The following DCC variants were observed in gnomAD, a reference collection of about 807,000 sequenced individuals.
DCC encodes netrin receptor DCC.
A neutral mutation model predicts 172.5 loss-of-function variants in DCC; 58 were observed. That is an observed-to-expected ratio of 0.34 (90% CI 0.27 to 0.42). DCC has a LOEUF of 0.42. Ranked by LOEUF, DCC falls within the 10% of genes least tolerant of loss-of-function variation. The probability of loss-of-function intolerance (pLI) is 1.00; values close to 1 mark genes in which losing one functional copy is unlikely to be tolerated. For synonymous variants in DCC, 709 were observed against 644.5 expected (o/e 1.10, Z -1.52); for missense variants, 1,740 against 1,791.0 (o/e 0.97, Z 0.51).
At chr18:52,349,187 C>A (rs1984009428) in intron 1 of DCC, among the ~76,000 whole-genome samples, 1 of 152,134 alleles carries the variant, frequency 6.6e-6, no homozygotes, top group Non-Finnish European at 1.5e-5. Context: ...ACCATCCCCC[C>A]CAATTTTTGT....
rs1300989000 is a variant in DCC at position 53,112,573 on chromosome 18, G to A, written c.1262-44783G>A. 2.0e-5 allele frequency among the ~76,000 whole-genome samples: 3 copies of A among 151,412 alleles called. No individual in the cohort carries two copies. In the Admixed American group the frequency reaches 2.0e-4, roughly 10 times the overall value. The stretch of plus-strand genomic sequence containing the variant: ...ATTATGGGTGTATGAATAATGTAAT[G>A]GATTTATGAGAGTAATCCATAAGCT... On this transcript the variant is annotated intron_variant, in intron 7 of 28. Transcript: ENST00000442544.
chr18:52,846,124 C>G (rs2038884803), intron 2 of DCC, among the ~76,000 whole-genome samples: 2 of 152,150 alleles, frequency 1.3e-5, no homozygotes. Context: ...TTAATACATT[C>G]CTCTACACTA....
At chr18:52,356,203 A>C (rs1984356575) in intron 1 of DCC, among the ~76,000 whole-genome samples, 1 of 152,186 alleles carries the variant, frequency 6.6e-6, no homozygotes. Context: ...AGTTTTAAGG[A>C]GGTCTCAGAA....
At chr18:53,262,262 T>C (rs2056615454) in intron 12 of DCC, among the ~76,000 whole-genome samples, 1 of 152,198 alleles carries the variant, frequency 6.6e-6, no homozygotes, top group African/African-American at 2.4e-5. Flanking sequence ...GAATGTATTA[T>C]ACCCATTTTT....
chr18:53,077,053 A>C (rs1468563146), intron 7 of DCC, among the ~76,000 whole-genome samples: 2 of 151,912 alleles, frequency 1.3e-5, no homozygotes, highest in African/African-American at 4.8e-5. Context: ...TCCATAAATT[A>C]TACAATCTGG....
chr18:52,826,919 T>G (rs999795598), intron 2 of DCC, among the ~76,000 whole-genome samples: 11 of 152,250 alleles, frequency 7.2e-5, no homozygotes, highest in Non-Finnish European at 1.6e-4. Context: ...CTTGCCAAGA[T>G]TACCTAAACA....
chr18:52,361,838 G>T (rs1984631716), intron 1 of DCC, among the ~76,000 whole-genome samples: 2 of 152,214 alleles, frequency 1.3e-5, no homozygotes, highest in African/African-American at 4.8e-5. Flanking sequence ...TAGCAATGGT[G>T]TGCAGGGAAG....
intron 7 of DCC, among the ~76,000 whole-genome samples, chr18:53,117,524 T>C (rs2043425243): frequency 6.6e-6 from 1 of 151,772 alleles, no homozygotes; most frequent in Non-Finnish European, 1.5e-5. Context: ...GAATTTGTAT[T>C]GCTGTTTCAA....
intron 2 of DCC, among the ~76,000 whole-genome samples, chr18:52,775,616 T>C (rs901506887): frequency 3.9e-5 from 6 of 152,176 alleles, no homozygotes; most frequent in Admixed American, 1.3e-4. Context: ...AAACTCTGCC[T>C]CGTCCCGCCG....
chr18:52,353,548 C>T (rs1984224506), intron 1 of DCC, among the ~76,000 whole-genome samples: 1 of 152,218 alleles, frequency 6.6e-6, no homozygotes, highest in Non-Finnish European at 1.5e-5. Context: ...GTCTTCAGGG[C>T]ATGAAACAGA....
chr18:53,320,061 G>A (rs1001482648), intron 13 of DCC, among the ~76,000 whole-genome samples: 3 of 137,390 alleles, frequency 2.2e-5, no homozygotes, highest in Non-Finnish European at 3.1e-5. Context: ...TCTACATAAC[G>A]CAAGAGTACT....
At chr18:53,377,750 A>G (rs2144973101) in intron 15 of DCC, among the ~76,000 whole-genome samples, 1 of 152,354 alleles carries the variant, frequency 6.6e-6, no homozygotes, top group Non-Finnish European at 1.5e-5. Context: ...TGTTACTATT[A>G]GGAAAAAGAG....
chr18:52,585,982 C>G (rs2033663208), intron 1 of DCC, among the ~76,000 whole-genome samples: 1 of 145,922 alleles, frequency 6.9e-6, no homozygotes, highest in Non-Finnish European at 1.5e-5. Flanking sequence ...ACTCGGGAGG[C>G]TGAGGCAGGA....
chr18:53,004,484 G>A (rs576269374), intron 5 of DCC, among the ~76,000 whole-genome samples: 2 of 152,268 alleles, frequency 1.3e-5, no homozygotes, highest in South Asian at 4.1e-4. Context: ...TTGGGTGGCA[G>A]AATAATTTCT....
chr18:52,529,059 T>G (rs1262995468), intron 1 of DCC, among the ~76,000 whole-genome samples: 3 of 152,188 alleles, frequency 2.0e-5, no homozygotes, highest in Non-Finnish European at 4.4e-5. Flanking sequence ...GTTTCTCAAC[T>G]GACTGTGACA....
At chr18:52,863,466 G>GC (rs2039175282) in intron 2 of DCC, among the ~76,000 whole-genome samples, 1 of 151,656 alleles carries the variant, frequency 6.6e-6, no homozygotes. Context: ...ATATTTACTA[G>GC]CAGACCTACA....
In DCC at chr18:53,466,110, TTTG is replaced by T. The variant is rs549276917; in HGVS notation, c.3620-1781_3620-1779del. Among the ~76,000 whole-genome samples, 4 of 152,292 alleles carry T rather than the reference TTTG, an allele frequency of 2.6e-5. No individual in the cohort carries two copies. In the South Asian group the frequency reaches 8.3e-4, roughly 32 times the overall value. On this transcript the variant is annotated intron_variant, in intron 24 of 28. Coordinates refer to ENST00000442544, the MANE Select transcript of DCC (RefSeq NM_005215.4). Reference sequence around the variant, plus strand: ...TGCCACTTTATTTCTTTTAGTTTATTTTGTTTTTAGAGATGGGGTCTCACTGTT... The same window carrying T: ...TGCCACTTTATTTCTTTTAGTTTATTTTTTTAGAGATGGGGTCTCACTGTT...
intron 27 of DCC, among the ~76,000 whole-genome samples, chr18:53,508,537 G>T (rs1272540785): frequency 6.6e-6 from 1 of 152,140 alleles, no homozygotes; most frequent in Non-Finnish European, 1.5e-5. Flanking sequence ...ATGCTCTTGA[G>T]TCAAAAATTA....
intron 1 of DCC, among the ~76,000 whole-genome samples, chr18:52,481,474 G>C (rs1019464900): frequency 6.6e-6 from 1 of 151,942 alleles, no homozygotes; most frequent in Non-Finnish European, 1.5e-5. Context: ...CGCCACCCCC[G>C]GCCCTACTCG....
Sources: allele counts gnomAD v4.1 joint callset (sites outside exome capture counted in the v4.1 genomes callset), GRCh38; gene constraint gnomAD v4.1.1; transcripts MANE v1.5; gene names NCBI Gene and HGNC (gene_info 2026-07-23, HGNC 2026-07-21).